The following GRB2 variants were observed in gnomAD, a reference collection of about 807,000 sequenced individuals.
GRB2 encodes growth factor receptor bound protein 2, also known as growth factor receptor-bound protein 2.
A neutral mutation model predicts 27.4 loss-of-function variants in GRB2; 2 were observed. The ratio of observed to expected loss-of-function variants is 0.07; its 90% CI spans 0.03 to 0.23. GRB2 has a LOEUF of 0.23. Ranked by LOEUF, GRB2 falls within the 10% of genes least tolerant of loss-of-function variation. The pLI is 1.00. For missense variants in GRB2, 102 were observed against 282.4 expected, an observed-to-expected ratio of 0.36 and a Z score of 4.58; for synonymous variants, 94 against 99.6, an observed-to-expected ratio of 0.94 and a Z score of 0.33.
At chr17:75,324,505 CAG>C (rs1280737981) in intron 4 of GRB2, among the ~76,000 whole-genome samples, 3 of 104,372 alleles carry the variant, frequency 2.9e-5, no homozygotes, top group Non-Finnish European at 3.7e-5. Flanking sequence ...CCACCGCACC[CAG>C]TTTTTTTTTT....
intron 2 of GRB2, among the ~76,000 whole-genome samples, chr17:75,389,997 A>G (rs376730599): frequency 2.0e-5 from 3 of 152,144 alleles, no homozygotes; most frequent in Non-Finnish European, 4.4e-5. Context: ...TACATCTTAT[A>G]TTTCTCTCCC....
chr17:75,348,644 C>A (rs577018861), intron 2 of GRB2, among the ~76,000 whole-genome samples: 267 of 152,232 alleles, frequency 1.8e-3, no homozygotes, highest in African/African-American at 6.2e-3. Flanking sequence ...TGATTTTGAG[C>A]TGGACACAGA....
chr17:75,344,996 C>A (rs956653575), intron 2 of GRB2, among the ~76,000 whole-genome samples: 1 of 151,918 alleles, frequency 6.6e-6, no homozygotes, highest in Non-Finnish European at 1.5e-5. Flanking sequence ...GGAGCTCAAA[C>A]CTCTACCCTG....
Position 75,355,708 on chromosome 17 carries a change from C to T in GRB2, c.79-22911G>A, listed in dbSNP as rs994571139. 3.1e-4 allele frequency among the ~76,000 whole-genome samples: 47 copies of T among 151,638 alleles called. 1 individual carries two copies. Among genetic ancestry groups the T allele is most frequent in the Non-Finnish European group, 1.2e-4 (8 of 67,950 alleles). On this transcript the variant is annotated intron_variant, in intron 2 of 5. Transcript: ENST00000316804. ...GCCATCCTGGGCCACATGTGGCCTG[C>T]GGGCTGTGGGGCTGGACAAGTTTGA...
chr17:75,369,298 T>C (rs968643926), intron 2 of GRB2, among the ~76,000 whole-genome samples: 2 of 152,164 alleles, frequency 1.3e-5, no homozygotes, highest in Non-Finnish European at 2.9e-5. Context: ...ATGCGACATA[T>C]CAAAAGTAAC....
At chr17:75,341,075 G>A (rs781559454) in intron 2 of GRB2, among the ~76,000 whole-genome samples, 13 of 152,114 alleles carry the variant, frequency 8.5e-5, no homozygotes, top group Non-Finnish European at 1.6e-4. Flanking sequence ...CAGGCCAGGT[G>A]ATACGTACTT....
In GRB2 at chr17:75,393,674, A is replaced by C. The variant is rs1412139371; in HGVS notation, c.-46T>G. 17 of 1,481,696 alleles carry C rather than the reference A, an allele frequency of 1.1e-5. No homozygotes were observed. The highest frequency in any genetic ancestry group is 1.5e-5 in the Non-Finnish European group (16 of 1,060,136). 91.8% of individuals were successfully genotyped at this position (1,481,696 alleles called of 1,614,324 possible). A position where few individuals can be genotyped will look rare whatever the true frequency, so the allele number is the denominator to read the frequency against. On this transcript the variant is annotated 5_prime_UTR_variant, in exon 2 of 6. Transcript: ENST00000316804. The stretch of plus-strand genomic sequence containing the variant: ...CAGCAGCCTGAAGCAGGGGGAAGGG[A>C]GTCTTCCCTGCTGAAGCAACCCAGC...
intron 2 of GRB2, among the ~76,000 whole-genome samples, chr17:75,351,530 T>A (rs547431625): frequency 1.3e-5 from 2 of 152,126 alleles, no homozygotes; most frequent in South Asian, 4.2e-4. Context: ...GGTGTGCGGC[T>A]GTAGTCCCAG....
intron 1 of GRB2, among the ~76,000 whole-genome samples, chr17:75,403,640 T>C (rs887590236): frequency 3.9e-5 from 6 of 152,206 alleles, no homozygotes; most frequent in African/African-American, 1.4e-4. Context: ...GGTGAGCACC[T>C]GTAATCCCAG....
chr17:75,367,413 G>A (rs941767730), intron 2 of GRB2, among the ~76,000 whole-genome samples: 1 of 152,166 alleles, frequency 6.6e-6, no homozygotes, highest in Admixed American at 6.5e-5. Flanking sequence ...CTGGGCTCAA[G>A]TGATCCTCCC....
chr17:75,330,822 T>A (rs1441345192), intron 3 of GRB2, among the ~76,000 whole-genome samples: 3 of 152,074 alleles, frequency 2.0e-5, no homozygotes, highest in Non-Finnish European at 2.9e-5. Context: ...TAGGCTCCCA[T>A]CCATATGCAT....
intron 2 of GRB2, among the ~76,000 whole-genome samples, chr17:75,369,509 G>A (rs2078841862): frequency 6.6e-6 from 1 of 152,052 alleles, no homozygotes; most frequent in East Asian, 1.9e-4. Context: ...AGATCAGAAT[G>A]TGAGACTGAG....
In GRB2 at chr17:75,339,314, C is replaced by T. The variant is rs1035075360; in HGVS notation, c.79-6517G>A. 1.2e-4 allele frequency among the ~76,000 whole-genome samples: 18 copies of T among 151,532 alleles called. 1 individual carries two copies. The highest frequency in any genetic ancestry group is 1.2e-3 in the Admixed American group (18 of 15,190). ...GTTCACGCCATTCTCCTGCCTCAGC[C>T]TCCTGAGTAGCTGGGACTACAGGCG... On this transcript the variant is annotated intron_variant, in intron 2 of 5. Transcript: ENST00000316804.
At chr17:75,341,447 T>TAAAAAAAAAAAAAAAAAAAAAAAAAGAA (rs61039194) in intron 2 of GRB2, among the ~76,000 whole-genome samples, 1 of 110,278 alleles carries the variant, frequency 9.1e-6, no homozygotes, top group Non-Finnish European at 1.8e-5. Flanking sequence ...GTGACTCCAT[T>TAAAAAAAAAAAAAAAAAAAAAAAAAGAA]AAAAAAAAAA....
intron 2 of GRB2, among the ~76,000 whole-genome samples, chr17:75,378,471 G>A (rs1373570006): frequency 1.3e-5 from 2 of 152,148 alleles, no homozygotes; most frequent in Non-Finnish European, 2.9e-5. Context: ...ATGCGGGTGA[G>A]AGGCATGTCC....
At chr17:75,398,345 T>C (rs1301100808) in intron 1 of GRB2, among the ~76,000 whole-genome samples, 1 of 152,142 alleles carries the variant, frequency 6.6e-6, no homozygotes, top group South Asian at 2.1e-4. Context: ...CTTGGTTTAC[T>C]GCAACCTCCG....
intron 1 of GRB2, among the ~76,000 whole-genome samples, chr17:75,403,693 G>A (rs2079079029): frequency 6.6e-6 from 1 of 152,098 alleles, no homozygotes. Context: ...AAACCCAGGA[G>A]GTGGAAGCTG....
chr17:75,354,212 T>G (rs1344889744), intron 2 of GRB2, among the ~76,000 whole-genome samples: 1 of 147,744 alleles, frequency 6.8e-6, no homozygotes, highest in Non-Finnish European at 1.5e-5. Context: ...AGAGACATTG[T>G]TTTCTGGTAT....
chr17:75,332,857 G>A, intron 2 of GRB2, 60 bp from the exon 3 acceptor site: 2 of 1,088,352 alleles, frequency 1.8e-6, no homozygotes, highest in Non-Finnish European at 2.8e-6. Flanking sequence ...TAAAAAGATA[G>A]TTACAAGACA....
Sources: allele counts gnomAD v4.1 joint callset (sites outside exome capture counted in the v4.1 genomes callset), GRCh38; gene constraint gnomAD v4.1.1; transcripts MANE v1.5; gene names NCBI Gene and HGNC (gene_info 2026-07-23, HGNC 2026-07-21).